Variants in TPO observed in about 807,000 individuals in gnomAD.
The protein encoded by TPO is thyroid microsomal antigen.
TPO carries 78 observed loss-of-function variants against 96.9 expected under a neutral mutation model. That is an observed-to-expected ratio of 0.81 (90% CI 0.67 to 0.97). The LOEUF (loss-of-function observed/expected upper bound fraction) is 0.97. Ranked by LOEUF, TPO falls within the 50% of genes least tolerant of loss-of-function variation. TPO has a pLI of 0.00. For synonymous variants in TPO, 547 were observed against 538.0 expected (o/e 1.02, Z -0.23); for missense variants, 1,252 against 1,274.8 (o/e 0.98, Z 0.27).
chr2:1,446,399 A>C (rs1165237242), intron 5 of TPO, among the ~76,000 whole-genome samples: 1 of 152,180 alleles, frequency 6.6e-6, no homozygotes, highest in African/African-American at 2.4e-5. Flanking sequence ...AATGCTTCCA[A>C]GTGGCTGCTC....
rs576303916 is a variant in TPO at position 1,475,625 on chromosome 2, G to T, written c.820-1461G>T. ...TTTTAAGTAGAGACGGGGTTTCACT[G>T]TGTTAGCCAGGATGGTCTCGATCTC... is the stretch of plus-strand genomic sequence containing the variant. On this transcript the variant is annotated intron_variant, in intron 7 of 16. Transcript: ENST00000329066. 2.4e-3 allele frequency among the ~76,000 whole-genome samples: 366 copies of T among 152,102 alleles called. 6 individuals are homozygous for T. The highest frequency in any genetic ancestry group is 8.4e-3 in the African/African-American group (350 of 41,506).
intron 8 of TPO, among the ~76,000 whole-genome samples, chr2:1,483,364 C>T (rs1436579267): frequency 6.6e-6 from 1 of 152,232 alleles, no homozygotes; most frequent in Non-Finnish European, 1.5e-5. Flanking sequence ...ATAGCTTGCA[C>T]TTGAATTTGA....
At chr2:1,482,221 G>T (rs151144337) in intron 8 of TPO, among the ~76,000 whole-genome samples, 1 of 152,168 alleles carries the variant, frequency 6.6e-6, no homozygotes, top group Non-Finnish European at 1.5e-5. Flanking sequence ...AGGTCTCTTC[G>T]TCCTGGTCTC....
intron 7 of TPO, among the ~76,000 whole-genome samples, chr2:1,460,687 T>C (rs761305479): frequency 6.6e-6 from 1 of 152,194 alleles, no homozygotes; most frequent in Non-Finnish European, 1.5e-5. Flanking sequence ...CGTGTATTGT[T>C]ATTGCTGTGT....
chr2:1,420,870 C>G (rs1351546396), intron 2 of TPO, among the ~76,000 whole-genome samples: 1 of 152,050 alleles, frequency 6.6e-6, no homozygotes, highest in East Asian at 1.9e-4. Context: ...AAATTCACAC[C>G]ACATGGTGAG....
chr2:1,502,454 A>AT (rs1672969314), intron 13 of TPO, among the ~76,000 whole-genome samples: 1 of 152,090 alleles, frequency 6.6e-6, no homozygotes, highest in African/African-American at 2.4e-5. Flanking sequence ...CAGTGCCGCA[A>AT]TCTCTGCTCA....
chr2:1,527,886 C>T (rs1190090653), intron 15 of TPO, among the ~76,000 whole-genome samples: 2 of 118,382 alleles, frequency 1.7e-5, no homozygotes, highest in African/African-American at 3.2e-5. Context: ...CAAATCCCCC[C>T]ACTGCGTGCA....
At chr2:1,538,475 T>C (rs1475509081) in intron 15 of TPO, among the ~76,000 whole-genome samples, 2 of 152,112 alleles carry the variant, frequency 1.3e-5, no homozygotes, top group Non-Finnish European at 2.9e-5. Flanking sequence ...CCTCAATGAA[T>C]ATAGAAAATA....
intron 15 of TPO, among the ~76,000 whole-genome samples, chr2:1,528,075 TC>T (rs1677051602): frequency 1.8e-5 from 1 of 55,482 alleles, no homozygotes; most frequent in African/African-American, 7.7e-5. Context: ...CCCCCCCAGA[TC>T]TCCCCCACTG....
intron 15 of TPO, among the ~76,000 whole-genome samples, chr2:1,530,536 C>G (rs1162470223): frequency 8.4e-6 from 1 of 119,712 alleles, no homozygotes; most frequent in Non-Finnish European, 1.7e-5. Context: ...GTGCAACCCC[C>G]CCAAATCCCC....
chr2:1,532,987 T>C (rs1439161502), intron 15 of TPO, among the ~76,000 whole-genome samples: 972 of 15,342 alleles, frequency 0.063, no homozygotes, highest in Middle Eastern at 0.079. Context: ...CCCAAATCCC[T>C]CCCACTGTGT....
chr2:1,389,110 G>T (rs1661955980), intron 1 of TPO, among the ~76,000 whole-genome samples: 2 of 152,148 alleles, frequency 1.3e-5, no homozygotes, highest in Non-Finnish European at 2.9e-5. Context: ...GACAAAGCTG[G>T]GCTGGGCTGG....
chr2:1,453,083 ACTCTCT>A (rs552269711), intron 5 of TPO, among the ~76,000 whole-genome samples: 2 of 151,014 alleles, frequency 1.3e-5, no homozygotes, highest in Admixed American at 6.6e-5. Context: ...AATACAACTG[ACTCTCT>A]CTCTCTCTCA....
intron 11 of TPO, among the ~76,000 whole-genome samples, chr2:1,494,533 C>T (rs926839252): frequency 3.3e-5 from 5 of 152,162 alleles, no homozygotes; most frequent in Admixed American, 6.5e-5. Context: ...GCTGAGGTCC[C>T]GCTTTGCCTG....
Position 1,460,763 on chromosome 2 carries a change from C to T in TPO, c.819+4481C>T, listed in dbSNP as rs754011008. Among the ~76,000 whole-genome samples, 8 of 152,226 alleles carry T rather than the reference C, an allele frequency of 5.3e-5. No individual in the cohort carries two copies. The East Asian group carries it at 7.7e-4, about 15-fold the overall frequency. On this transcript the variant is annotated intron_variant, in intron 7 of 16. Transcript: ENST00000329066. ...AGGGAAGCTCAGCAGGGAGGGAGCA[C>T]GTTGGGTAGGGAGCTGCACTGAGAG...
chr2:1,411,744 C>T (rs1406304732), upstream of TPO, among the ~76,000 whole-genome samples: 1 of 152,142 alleles, frequency 6.6e-6, no homozygotes, highest in Non-Finnish European at 1.5e-5. Context: ...ATGGCCACGG[C>T]CCTCCAGTCT....
At position 1,531,286 on chromosome 2, in the gene TPO, A is replaced by G. The variant is rs1432719793; in HGVS notation, c.2619-9308A>G. Among the ~76,000 whole-genome samples, 3 of 67,830 alleles carry G rather than the reference A, an allele frequency of 4.4e-5. 1 individual carries two copies. The highest frequency in any genetic ancestry group is 8.5e-5 in the Non-Finnish European group (3 of 35,432). 44.5% of individuals were successfully genotyped at this position (67,830 alleles called of 152,430 possible). A position where few individuals can be genotyped will look rare whatever the true frequency, so the allele number is the denominator to read the frequency against. Reference sequence around the variant, plus strand: ...TGTGGACCCTTCTCAAATCCCCCCTAATGTCAGCAACTTCCCTAAATCCCC... The same window carrying G: ...TGTGGACCCTTCTCAAATCCCCCCTGATGTCAGCAACTTCCCTAAATCCCC... On this transcript the variant is annotated intron_variant, in intron 15 of 16. Transcript: ENST00000329066.
intron 15 of TPO, among the ~76,000 whole-genome samples, chr2:1,521,380 G>T (rs905091343): frequency 6.6e-6 from 1 of 152,168 alleles, no homozygotes; most frequent in Admixed American, 6.5e-5. Flanking sequence ...GCGTGCTGGA[G>T]GGAGGCCAGC....
intron 6 of TPO, 66 bp downstream of exon 6, chr2:1,453,889 A>G: frequency 1.9e-6 from 3 of 1,610,124 alleles, no homozygotes; most frequent in Non-Finnish European, 2.5e-6. Flanking sequence ...GGAGGGAAAT[A>G]GCCTTTTACT....
Sources: gnomAD v4.1 joint callset for allele counts (sites outside exome capture counted in the v4.1 genomes callset) on GRCh38, gnomAD v4.1.1 for gene constraint, MANE v1.5 for transcripts, NCBI Gene and HGNC (gene_info 2026-07-23, HGNC 2026-07-21) for gene names.